The following BSN variants were observed in gnomAD, a reference collection of about 807,000 sequenced individuals.
BSN encodes the protein protein bassoon.
A neutral mutation model predicts 264.8 loss-of-function variants in BSN; 57 were observed. The ratio of observed to expected loss-of-function variants is 0.22; its 90% CI spans 0.17 to 0.27. The LOEUF is 0.27. Ranked by LOEUF, BSN falls within the 10% of genes least tolerant of loss-of-function variation. BSN has a pLI of 1.00. For missense variants in BSN, 4,615 were observed against 5,232.5 expected, an observed-to-expected ratio of 0.88 and a Z score of 3.64; for synonymous variants, 2,059 against 2,137.3, an observed-to-expected ratio of 0.96 and a Z score of 1.01.
intron 1 of BSN, among the ~76,000 whole-genome samples, chr3:49,605,785 AATATATAAATATATTTAT>A (rs1435257532): frequency 1.1e-3 from 86 of 80,154 alleles, no homozygotes; most frequent in Admixed American, 7.2e-3. Flanking sequence ...TATAATATAT[AATATATAAATATATTTAT>A]ATATATAAAT....
intron 1 of BSN, among the ~76,000 whole-genome samples, chr3:49,558,192 ATGAC>A (rs750162046): frequency 3.9e-5 from 6 of 152,214 alleles, no homozygotes; most frequent in Non-Finnish European, 5.9e-5. Context: ...GGCTGGAAAA[ATGAC>A]TGGGTTAAGA....
chr3:49,604,754 C>G (rs2052098674), intron 1 of BSN, among the ~76,000 whole-genome samples: 1 of 152,020 alleles, frequency 6.6e-6, no homozygotes, highest in Admixed American at 6.6e-5. Flanking sequence ...CAGAATGGGT[C>G]CAGGAACACA....
Position 49,654,499 on chromosome 3 carries a change from T to G in BSN, c.4943T>G (p.Val1648Gly). The change falls in exon 5 of 12, where the codon GTC becomes GGC. Residue 1648 changes from valine (V) to glycine (G), a missense_variant. By Grantham distance (109) the Val-to-Gly change is moderately radical. This residue lies in a region of BSN where 3,415 missense variants were observed against 3,866.4 expected (regional missense o/e 0.88). Transcript: ENST00000296452. This position sits in a 1 kb window ranked among gnomAD's most constrained non-coding sequence, Gnocchi z 4.1. ...ATCTCCCTGTGCCGGATCTCCTCTG[T>G]CCCTGGGACGTCTAGGGTTGAGCCA... Reference protein sequence around the residue: ...ENISLCRISSVPGTSRVEPGP... With the variant: ...ENISLCRISSGPGTSRVEPGP... 1 of 1,611,170 alleles carries G rather than the reference T, an allele frequency of 6.2e-7. No individual in the cohort carries two copies. Among genetic ancestry groups the G allele is most frequent in the Non-Finnish European group, 8.5e-7 (1 of 1,178,686 alleles).
chr3:49,614,383 T>C (rs1012496900), intron 1 of BSN, among the ~76,000 whole-genome samples: 5 of 152,204 alleles, frequency 3.3e-5, no homozygotes, highest in African/African-American at 1.2e-4. Flanking sequence ...AAAGTTATAC[T>C]GAACTCATGG....
intron 1 of BSN, among the ~76,000 whole-genome samples, chr3:49,624,300 C>CTT (rs71080542): frequency 3.0e-5 from 2 of 67,184 alleles, no homozygotes; most frequent in Non-Finnish European, 5.4e-5. Flanking sequence ...CGTGCCCAGC[C>CTT]TTTTTTTTTT....
chr3:49,654,375 C>G lies in BSN; in HGVS notation c.4819C>G (p.Pro1607Ala). Residue 1607 changes from proline to alanine, a missense_variant, in exon 5 of 12, where the codon CCA becomes GCA. Transcript: ENST00000296452. This position sits in a 1 kb window ranked among gnomAD's most constrained non-coding sequence, Gnocchi z 4.1. ...ACCTCCGAGTGTGTCTCAGCTGCCCCCAGAGCCACCTGGGCCACCTGGCTT... is the reference window on the plus strand; with the variant it reads ...ACCTCCGAGTGTGTCTCAGCTGCCCGCAGAGCCACCTGGGCCACCTGGCTT... Reference protein sequence around the residue: ...TTPPSVSQLPPEPPGPPGFPR... With the variant: ...TTPPSVSQLPAEPPGPPGFPR... 6.2e-7 allele frequency: 1 copy of G among 1,609,106 alleles called. No homozygotes were observed. Among genetic ancestry groups the G allele is most frequent in the African/African-American group, 1.3e-5 (1 of 75,040 alleles).
At chr3:49,637,246 G>T (rs866307856) in intron 2 of BSN, among the ~76,000 whole-genome samples, 3 of 152,326 alleles carry the variant, frequency 2.0e-5, no homozygotes, top group Admixed American at 1.3e-4. Flanking sequence ...TTGCTGCTGG[G>T]GGGGTGAGAG....
Position 49,660,612 on chromosome 3 carries a change from C to T in BSN, c.8767C>T (p.Leu2923=). 1 of 1,612,946 alleles carries T rather than the reference C, an allele frequency of 6.2e-7. No homozygotes were observed. Among genetic ancestry groups the T allele is most frequent in the Non-Finnish European group, 8.5e-7 (1 of 1,179,860 alleles). The change falls in exon 6 of 12, where the codon CTG becomes TTG. Residue 2923 remains leucine (L), a synonymous_variant. Transcript: ENST00000296452. This position sits in a 1 kb window ranked among gnomAD's most constrained non-coding sequence, Gnocchi z 7.1. ...ASPQLYAASL[L]QRGLTGPTTV... ...CCCACAGCTGTATGCAGCCAGCCTGCTGCAGCGAGGGCTGACGGGGCCCAC... is the reference window on the plus strand; with the variant it reads ...CCCACAGCTGTATGCAGCCAGCCTGTTGCAGCGAGGGCTGACGGGGCCCAC...
At chr3:49,584,705 A>G (rs1023425597) in intron 1 of BSN, among the ~76,000 whole-genome samples, 4 of 152,186 alleles carry the variant, frequency 2.6e-5, no homozygotes, top group Non-Finnish European at 5.9e-5. Flanking sequence ...TTGTTGTGCT[A>G]TCAAATAGTA....
In BSN at chr3:49,655,975, G is replaced by A. The variant is rs770671324; in HGVS notation, c.6419G>A (p.Ser2140Asn). Reference protein sequence around the residue: ...QHGPGLSAPQSLVPLRPGLLG... With the variant: ...QHGPGLSAPQNLVPLRPGLLG... ...GGGCCCGGGCTCAGTGCTCCACAGA[G>A]TCTGGTTCCCCTCAGACCTGGACTC... Residue 2140 changes from serine to asparagine, a missense_variant, in exon 5 of 12, where the codon AGT (serine) becomes AAT (asparagine). Ser to Asn is a conservative substitution (Grantham distance 46, BLOSUM62 1). This residue lies in a region of BSN where 3,415 missense variants were observed against 3,866.4 expected (regional missense o/e 0.88). Transcript: ENST00000296452. The A allele has an allele frequency of 5.6e-6, 9 of 1,609,036 alleles. No individual in the cohort carries two copies. The highest frequency in any genetic ancestry group is 7.6e-6 in the Non-Finnish European group (9 of 1,178,838).
At chr3:49,665,503 T>C (rs1032099457) in intron 11 of BSN, among the ~76,000 whole-genome samples, 185 bp downstream of exon 11, 5 of 152,170 alleles carry the variant, frequency 3.3e-5, no homozygotes, top group African/African-American at 1.2e-4. Context: ...CCTGAGATGG[T>C]GCCAGACAAG....
chr3:49,662,996 C>G lies in BSN; in HGVS notation c.10838C>G (p.Ala3613Gly). ...VSSSSQKRGP[A>G]RHSYHDYDEP... The stretch of plus-strand genomic sequence containing the variant: ...TCCTCCTCCCAGAAGCGAGGCCCTG[C>G]CAGGCACAGCTACCATGACTACGAT... Residue 3613 changes from alanine (A) to glycine (G), a missense_variant, in exon 7 of 12, where the codon GCC (alanine) becomes GGC (glycine). Around this residue, in one of 3 missense-constraint regions of BSN, gnomAD observed 3,415 missense variants for 3,866.4 expected, o/e 0.88. Transcript: ENST00000296452. 2 of 1,614,110 alleles carry G rather than the reference C, an allele frequency of 1.2e-6. No homozygotes were observed. The highest frequency in any genetic ancestry group is 1.7e-6 in the Non-Finnish European group (2 of 1,180,022).
chr3:49,564,054 C>T (rs1261870454), intron 1 of BSN, among the ~76,000 whole-genome samples: 1 of 152,202 alleles, frequency 6.6e-6, no homozygotes, highest in African/African-American at 2.4e-5. Flanking sequence ...CTGGACTTCA[C>T]TTCTCCAGCT....
chr3:49,666,431 A>G (rs2052714422), intron 11 of BSN, among the ~76,000 whole-genome samples: 2 of 152,280 alleles, frequency 1.3e-5, no homozygotes, highest in Admixed American at 1.3e-4. Context: ...ATGGCAGAGA[A>G]CAAAACCAAG....
intron 2 of BSN, among the ~76,000 whole-genome samples, chr3:49,640,309 C>T (rs12636532): frequency 2.0e-5 from 3 of 152,212 alleles, no homozygotes; most frequent in Admixed American, 2.0e-4. Flanking sequence ...GGGATGAGCC[C>T]TGCTCTGTAC....
At chr3:49,592,570 G>A (rs2051987128) in intron 1 of BSN, among the ~76,000 whole-genome samples, 4 of 150,640 alleles carry the variant, frequency 2.7e-5, no homozygotes, top group African/African-American at 9.7e-5. Context: ...TGGCTAACAC[G>A]GTGAAACCCC....
chr3:49,643,079 A>G lies in BSN; in HGVS notation c.1445A>G (p.Tyr482Cys), dbSNP rs937901232. ...GTGGGCAGCAAGAGCCCAGCCAACT[A>G]TAACACATGCACCACCTGCAGGCTC... ...LNVGSKSPANYNTCTTCRLQV... is the reference protein window; with the variant it reads ...LNVGSKSPANCNTCTTCRLQV... Residue 482 changes from tyrosine to cysteine, a missense_variant, in exon 3 of 12, where the codon TAT becomes TGT. This residue lies in a region of BSN where 1,197 missense variants were observed against 1,348.0 expected (regional missense o/e 0.89). Coordinates refer to ENST00000296452, the MANE Select transcript of BSN (RefSeq NM_003458.4). 19 of 1,613,936 alleles carry G rather than the reference A, an allele frequency of 1.2e-5. No individual in the cohort carries two copies. The highest frequency in any genetic ancestry group is 1.4e-5 in the Non-Finnish European group (17 of 1,180,022).
At position 49,651,861 on chromosome 3, in the gene BSN, G is replaced by A. The variant is rs2052543938; in HGVS notation, c.2305G>A (p.Glu769Lys). The change falls in exon 5 of 12, where the codon GAG (glutamate) becomes AAG (lysine). Residue 769 changes from glutamate to lysine, a missense_variant. Transcript: ENST00000296452. This position sits in a 1 kb window ranked among gnomAD's most constrained non-coding sequence, Gnocchi z 5.4. ...QRPHSLSITP[E>K]AFDSDEELED... is the part of the protein sequence containing the mutation. ...GCCCCACTCCTTGTCCATCACGCCT[G>A]AGGCCTTTGACTCTGATGAGGAGCT... The A allele has an allele frequency of 1.2e-6, 2 of 1,614,014 alleles. No individual in the cohort carries two copies. The highest frequency in any genetic ancestry group is 8.5e-7 in the Non-Finnish European group (1 of 1,180,040).
chr3:49,609,660 C>A (rs1202370154), intron 1 of BSN, among the ~76,000 whole-genome samples: 2 of 152,116 alleles, frequency 1.3e-5, no homozygotes, highest in African/African-American at 4.8e-5. Flanking sequence ...AGAGTGAGCA[C>A]TTAGCACAAT....
Sources: allele counts gnomAD v4.1 joint callset (sites outside exome capture counted in the v4.1 genomes callset), GRCh38; gene constraint gnomAD v4.1.1; regional missense constraint gnomAD v4.1.1; non-coding constraint Gnocchi (gnomAD v3.1); transcripts MANE v1.5; gene names NCBI Gene and HGNC (gene_info 2026-07-23, HGNC 2026-07-21).